GARNL3: variants seen among roughly 807,000 people sequenced by gnomAD.
GARNL3 encodes GTPase-activating Rap/Ran-GAP domain-like protein 3.
GARNL3 carries 63 observed loss-of-function variants against 125.0 expected under a neutral mutation model. That is an observed-to-expected ratio of 0.50 (90% CI 0.41 to 0.62). The LOEUF (loss-of-function observed/expected upper bound fraction) is 0.62. Among genes scored for constraint, GARNL3 ranks in the 20% least tolerant of loss-of-function variants. The pLI is 0.00. For synonymous variants in GARNL3, 439 were observed against 457.5 expected (o/e 0.96, Z 0.52); for missense variants, 994 against 1,244.0 (o/e 0.80, Z 3.02).
intron 2 of GARNL3, among the ~76,000 whole-genome samples, chr9:127,253,639 G>A (rs544902039): frequency 6.6e-6 from 1 of 152,282 alleles, no homozygotes; most frequent in Non-Finnish European, 1.5e-5. Context: ...AAATGAAAGG[G>A]AATAGGAGAA....
chr9:127,354,662 A>T (rs1327385983), intron 19 of GARNL3, among the ~76,000 whole-genome samples: 1 of 152,238 alleles, frequency 6.6e-6, no homozygotes, highest in Non-Finnish European at 1.5e-5. Context: ...TAGCAAATCT[A>T]TTACTGAAGA....
chr9:127,323,075 A>G (rs2065451779), intron 6 of GARNL3, among the ~76,000 whole-genome samples: 1 of 152,192 alleles, frequency 6.6e-6, no homozygotes, highest in African/African-American at 2.4e-5. Flanking sequence ...TCACTCTCCC[A>G]AATCTCATAT....
intron 16 of GARNL3, among the ~76,000 whole-genome samples, chr9:127,346,329 A>G (rs1830137059): frequency 6.6e-6 from 1 of 152,196 alleles, no homozygotes; most frequent in Non-Finnish European, 1.5e-5. Flanking sequence ...TTATGAATAC[A>G]TTTACCTTAC....
At chr9:127,357,110 G>T in intron 20 of GARNL3, 109 bp from the exon 21 acceptor site, 1 of 1,080,178 alleles carries the variant, frequency 9.3e-7, no homozygotes, top group Non-Finnish European at 1.4e-6. Context: ...CTCTGCAGGA[G>T]CCTGGAGAGG....
intron 21 of GARNL3, among the ~76,000 whole-genome samples, chr9:127,360,733 G>A (rs1489169469): frequency 6.6e-6 from 1 of 152,156 alleles, no homozygotes; most frequent in East Asian, 1.9e-4. Context: ...GCCTCTGTGG[G>A]CACCAGTGTT....
intron 17 of GARNL3, among the ~76,000 whole-genome samples, chr9:127,350,955 C>A (rs987151087): frequency 1.3e-5 from 2 of 152,112 alleles, no homozygotes; most frequent in African/African-American, 4.8e-5. Flanking sequence ...TGGTTAGTGG[C>A]ACGTCTGGGA....
At chr9:127,237,352 A>G (rs1035585274) in intron 1 of GARNL3, among the ~76,000 whole-genome samples, 2 of 152,204 alleles carry the variant, frequency 1.3e-5, no homozygotes, top group African/African-American at 4.8e-5. Flanking sequence ...GTAAAACCAG[A>G]ACAATGCTTA....
intron 1 of GARNL3, among the ~76,000 whole-genome samples, chr9:127,229,738 CCTA>C (rs1319844378): frequency 6.6e-6 from 1 of 152,174 alleles, no homozygotes; most frequent in African/African-American, 2.4e-5. Flanking sequence ...CTCAAGCTAT[CCTA>C]CTGCCTTGGC....
intron 22 of GARNL3, among the ~76,000 whole-genome samples, chr9:127,376,027 T>C (rs1157099563): frequency 6.6e-6 from 1 of 152,222 alleles, no homozygotes; most frequent in African/African-American, 2.4e-5. Flanking sequence ...TGGCGTGATC[T>C]TGGCTCACTG....
chr9:127,344,949 G>A (rs958328310), intron 15 of GARNL3, among the ~76,000 whole-genome samples: 1 of 152,164 alleles, frequency 6.6e-6, no homozygotes, highest in Non-Finnish European at 1.5e-5. Flanking sequence ...GCCCTCAGCT[G>A]CAAATAAGGT....
At chr9:127,317,353 CATT>C (rs1461832883) in intron 4 of GARNL3, among the ~76,000 whole-genome samples, 3 of 152,104 alleles carry the variant, frequency 2.0e-5, no homozygotes, top group East Asian at 3.9e-4. Context: ...GACTGGGAGA[CATT>C]ATTTTTGGGT....
intron 2 of GARNL3, among the ~76,000 whole-genome samples, chr9:127,250,972 G>T (rs1208763861): frequency 6.6e-6 from 1 of 152,150 alleles, no homozygotes; most frequent in African/African-American, 2.4e-5. Flanking sequence ...CCATTACTAA[G>T]AATTCTATTC....
chr9:127,336,034 C>A, intron 10 of GARNL3, 94 bp from the exon 11 acceptor site: 1 of 875,634 alleles, frequency 1.1e-6, no homozygotes, highest in Non-Finnish European at 1.8e-6. Flanking sequence ...GTCATAGTGG[C>A]TGTGGTTTGT....
chr9:127,311,252 A>G (rs2065090437), intron 2 of GARNL3, among the ~76,000 whole-genome samples: 1 of 151,870 alleles, frequency 6.6e-6, no homozygotes, highest in South Asian at 2.1e-4. Flanking sequence ...AAAAACAGAA[A>G]AAACCTACCA....
intron 1 of GARNL3, among the ~76,000 whole-genome samples, chr9:127,231,228 G>GTTTTTTTT (rs34963289): frequency 2.5e-4 from 25 of 100,470 alleles, no homozygotes; most frequent in East Asian, 5.5e-4. Flanking sequence ...CTAATTTTTT[G>GTTTTTTTT]TTTTTTTTTT....
chr9:127,341,897 A>G (rs1300814969), intron 13 of GARNL3, among the ~76,000 whole-genome samples: 2 of 152,156 alleles, frequency 1.3e-5, no homozygotes, highest in African/African-American at 2.4e-5. Flanking sequence ...AGGAAGGACC[A>G]GGAGGGGTTG....
chr9:127,225,382 G>T (rs1363713730), intron 1 of GARNL3: 10 of 984,790 alleles, frequency 1.0e-5, no homozygotes, highest in Non-Finnish European at 1.2e-5. Context: ...CGGCGCAGGG[G>T]GTGCAGCTTC....
chr9:127,322,098 C>T (rs780444691), intron 6 of GARNL3, among the ~76,000 whole-genome samples: 7 of 152,258 alleles, frequency 4.6e-5, no homozygotes, highest in African/African-American at 1.4e-4. Flanking sequence ...AAACTGTAAG[C>T]GACTTTAAGC....
At chr9:127,273,103 G>A (rs1013287820) in intron 1 of GARNL3, among the ~76,000 whole-genome samples, 1 of 152,026 alleles carries the variant, frequency 6.6e-6, no homozygotes, top group Non-Finnish European at 1.5e-5. Context: ...AACCATATGA[G>A]GTAGGCATTA....
Sources: gnomAD v4.1 joint callset for allele counts (sites outside exome capture counted in the v4.1 genomes callset) on GRCh38, gnomAD v4.1.1 for gene constraint, MANE v1.5 for transcripts, NCBI Gene and HGNC (gene_info 2026-07-23, HGNC 2026-07-21) for gene names.